The following BOD1L1 variants were observed in gnomAD, a reference collection of about 807,000 sequenced individuals.
The protein encoded by BOD1L1 is biorientation of chromosomes in cell division 1 like 1.
A neutral mutation model predicts 240.7 loss-of-function variants in BOD1L1; 86 were observed. That is an observed-to-expected ratio of 0.36 (90% CI 0.30 to 0.43). BOD1L1 has a LOEUF of 0.43. BOD1L1 is among the 20% of genes least tolerant of loss of function. BOD1L1 has a pLI of 1.00. For synonymous variants in BOD1L1, 1,268 were observed against 1,272.3 expected (o/e 1.00, Z 0.07); for missense variants, 3,554 against 3,643.5 (o/e 0.98, Z 0.63).
Position 13,607,147 on chromosome 4 carries a change from T to C in BOD1L1, c.1785A>G (p.Glu595=). Residue 595 remains glutamate (E), a synonymous_variant, in exon 9 of 26, where the codon GAA becomes GAG. Coordinates refer to ENST00000040738, the MANE Select transcript of BOD1L1 (RefSeq NM_148894.3). The stretch of plus-strand genomic sequence containing the variant: ...TTGTTTTAAGGGTTTCTTTGGAATC[T>C]TCTTCATATTGCTGTTTCTTTTTGG... ...ENSKKKQQYE[E]DSKETLKTSE... 1 of 1,574,810 alleles carries C rather than the reference T, an allele frequency of 6.3e-7. No homozygotes were observed. The highest frequency in any genetic ancestry group is 8.6e-7 in the Non-Finnish European group (1 of 1,160,346).
Position 13,602,217 on chromosome 4 carries a change from T to C in BOD1L1, c.4683A>G (p.Glu1561=). The change falls in exon 10 of 26, where the codon GAA becomes GAG. Residue 1561 remains glutamate, a synonymous_variant. Coordinates refer to ENST00000040738, the MANE Select transcript of BOD1L1 (RefSeq NM_148894.3). ...TGGAATGTGTTCCTATTATGAGGCC[T>C]TCATCTGCCTCAATGCTGGTGCAAG... The part of the protein sequence containing the change: ...ALPCTSIEAD[E]GLIIGTHSRN... The C allele has an allele frequency of 3.7e-6, 6 of 1,613,678 alleles. No homozygotes were observed. The highest frequency in any genetic ancestry group is 3.4e-6 in the Non-Finnish European group (4 of 1,179,728).
At chr4:13,621,863 A>C (rs1717063011) in intron 1 of BOD1L1, among the ~76,000 whole-genome samples, 1 of 112,786 alleles carries the variant, frequency 8.9e-6, no homozygotes, top group Admixed American at 1.4e-4. Flanking sequence ...ACTAAAATTA[A>C]TTCTTTTTTT....
In BOD1L1 at chr4:13,601,771, G is replaced by A. The variant is rs749532900; in HGVS notation, c.5129C>T (p.Ser1710Phe). Residue 1710 changes from serine to phenylalanine, a missense_variant, in exon 10 of 26, where the codon TCC becomes TTC. Ser to Phe is a radical substitution (Grantham distance 155). Transcript: ENST00000040738. ...GSISSEEVDG[S>F]QGNMMRMGPK... Reference sequence around the variant, plus strand: ...ACCCATTCTCATCATATTTCCCTGGGAGCCATCCACCTCTTCACTGCTTAT... The same window carrying A: ...ACCCATTCTCATCATATTTCCCTGGAAGCCATCCACCTCTTCACTGCTTAT... The A allele has an allele frequency of 1.2e-6, 2 of 1,613,718 alleles. No homozygotes were observed. The highest frequency in any genetic ancestry group is 2.7e-5 in the African/African-American group (2 of 74,870).
intron 25 of BOD1L1, chr4:13,572,662 AG>A: frequency 7.8e-7 from 1 of 1,280,344 alleles, no homozygotes; most frequent in Non-Finnish European, 1.0e-6. Flanking sequence ...AAATAGTCTT[AG>A]GGGGTTAAAA....
intron 6 of BOD1L1, among the ~76,000 whole-genome samples, chr4:13,610,691 CA>C (rs569914077): frequency 5.5e-4 from 83 of 152,212 alleles, no homozygotes; most frequent in Middle Eastern, 3.4e-3. Flanking sequence ...TGAAAAATTC[CA>C]AAATTTGAAA....
chr4:13,602,173 A>C lies in BOD1L1; in HGVS notation c.4727T>G (p.Val1576Gly). 1 of 1,613,926 alleles carries C rather than the reference A, an allele frequency of 6.2e-7. No individual in the cohort carries two copies. The highest frequency in any genetic ancestry group is 8.5e-7 in the Non-Finnish European group (1 of 1,179,858). The change falls in exon 10 of 26, where the codon GTT becomes GGT. Residue 1576 changes from valine to glycine, a missense_variant. Physicochemically the swap from Val to Gly is moderately radical, Grantham distance 109. Transcript: ENST00000040738. ...AGTGCATTCACTGGCTTCTGCACCA[A>C]CATGAAGAGGATTATTTCTGGAATG... ...GTHSRNNPLH[V>G]GAEASECTVF...
Position 13,603,786 on chromosome 4 carries a change from A to G in BOD1L1, c.3114T>C (p.Asn1038=). Residue 1038 remains asparagine (N), a synonymous_variant, in exon 10 of 26, where the codon AAT becomes AAC. Coordinates refer to ENST00000040738, the MANE Select transcript of BOD1L1 (RefSeq NM_148894.3). ...SSKDIKKKDE[N]KSDDKDGKEV... Reference sequence around the variant, plus strand: ...CTTTACCATCCTTGTCATCTGATTTATTTTCGTCCTTCTTTTTTATGTCTT... The same window carrying G: ...CTTTACCATCCTTGTCATCTGATTTGTTTTCGTCCTTCTTTTTTATGTCTT... 1 of 1,613,066 alleles carries G rather than the reference A, an allele frequency of 6.2e-7. No homozygotes were observed. Among genetic ancestry groups the G allele is most frequent in the Non-Finnish European group, 8.5e-7 (1 of 1,179,732 alleles).
intron 22 of BOD1L1, among the ~76,000 whole-genome samples, chr4:13,579,411 T>C (rs934875421): frequency 6.6e-6 from 1 of 152,224 alleles, no homozygotes; most frequent in Non-Finnish European, 1.5e-5. Context: ...AACAACTATA[T>C]ATTACCTATT....
Position 13,603,397 on chromosome 4 carries a change from C to G in BOD1L1, c.3503G>C (p.Arg1168Thr), listed in dbSNP as rs902474783. The G allele has an allele frequency of 6.2e-6, 10 of 1,613,772 alleles. No homozygotes were observed. The Admixed American group carries it at 1.3e-4, about 22-fold the overall frequency. The change falls in exon 10 of 26, where the codon AGA becomes ACA. Residue 1168 changes from arginine (R) to threonine (T), a missense_variant. Transcript: ENST00000040738. Reference protein sequence around the residue: ...TSATVQKDELRTCTADSKATA... With the variant: ...TSATVQKDELTTCTADSKATA... ...TGCTTTTGAATCTGCTGTGCAAGTT[C>G]TCAATTCATCCTTTTGAACAGTGGC... is the stretch of plus-strand genomic sequence containing the variant.
chr4:13,577,205 G>A (rs1019873824), intron 24 of BOD1L1, among the ~76,000 whole-genome samples, 198 bp downstream of exon 24: 2 of 152,104 alleles, frequency 1.3e-5, no homozygotes, highest in African/African-American at 4.8e-5. Flanking sequence ...CACAGCCAGC[G>A]TTCATAAAAA....
chr4:13,610,571 C>T lies in BOD1L1; in HGVS notation c.1491+363G>A, dbSNP rs372343722. 3.3e-5 allele frequency among the ~76,000 whole-genome samples: 5 copies of T among 152,228 alleles called. No individual in the cohort carries two copies. The East Asian group carries it at 7.7e-4, about 23-fold the overall frequency. On this transcript the variant is annotated intron_variant, in intron 6 of 25. Transcript: ENST00000040738. ...ATTATGAAAAACATTGTATCGAATA[C>T]TCTTCAGGCTATGTGCATATACATA...
rs1715340710 is a variant in BOD1L1, at chr4:13,602,982, T to C, written c.3918A>G (p.Lys1306=). The change falls in exon 10 of 26, where the codon AAA becomes AAG. Residue 1306 remains lysine, a synonymous_variant. Coordinates refer to ENST00000040738, the MANE Select transcript of BOD1L1 (RefSeq NM_148894.3). ...CTGTGCTACCTTCCAAAACAGTTCT[T>C]TTGTCAAACAGAGGAATTACATCTG... ...YDPDVIPLFD[K]RTVLEGSTAS... is the part of the protein sequence containing the mutation. 1 of 1,613,906 alleles carries C rather than the reference T, an allele frequency of 6.2e-7. No homozygotes were observed. The highest frequency in any genetic ancestry group is 1.3e-5 in the African/African-American group (1 of 74,920).
At chr4:13,627,111 G>T (rs1330681148) in intron 1 of BOD1L1, among the ~76,000 whole-genome samples, 1 of 152,192 alleles carries the variant, frequency 6.6e-6, no homozygotes, top group Admixed American at 6.5e-5. Context: ...CAATGCCTTA[G>T]TCTTGCTCAT....
chr4:13,612,017 C>A (rs1165182035), intron 5 of BOD1L1, among the ~76,000 whole-genome samples: 1 of 151,990 alleles, frequency 6.6e-6, no homozygotes. Flanking sequence ...TTAAGAAGAC[C>A]CAAAAAGGCA....
At position 13,615,422 on chromosome 4, in the gene BOD1L1, T is replaced by C. The variant is rs772012778; in HGVS notation, c.449A>G (p.Gln150Arg). Reference sequence around the variant, plus strand: ...AAACTCATGCACAGCTTTCTCTACCTGAGGTCTGAATGTGTGGTTGATCTT... The same window carrying C: ...AAACTCATGCACAGCTTTCTCTACCCGAGGTCTGAATGTGTGGTTGATCTT... The part of the protein sequence containing the change: ...DPKINHTFRP[Q>R]VEKAVHEFLA... Residue 150 changes from glutamine (Q) to arginine (R), a missense_variant, in exon 3 of 26, where the codon CAG becomes CGG. Coordinates refer to ENST00000040738, the MANE Select transcript of BOD1L1 (RefSeq NM_148894.3). 1.2e-6 allele frequency: 2 copies of C among 1,613,856 alleles called. No individual in the cohort carries two copies. The highest frequency in any genetic ancestry group is 1.7e-6 in the Non-Finnish European group (2 of 1,179,782).
intron 12 of BOD1L1, among the ~76,000 whole-genome samples, chr4:13,594,277 A>G (rs747079348): frequency 1.3e-5 from 2 of 152,220 alleles, no homozygotes; most frequent in African/African-American, 2.4e-5. Flanking sequence ...ATTGTGGAAA[A>G]AAATTGAGGA....
chr4:13,618,194 G>T (rs1007985006), intron 2 of BOD1L1, among the ~76,000 whole-genome samples: 3 of 152,118 alleles, frequency 2.0e-5, no homozygotes, highest in Non-Finnish European at 4.4e-5. Flanking sequence ...CGCTATAAAA[G>T]TAAATGCAAT....
Position 13,601,364 on chromosome 4 carries a change from C to T in BOD1L1, c.5536G>A (p.Ala1846Thr). 1.2e-6 allele frequency: 2 copies of T among 1,614,072 alleles called. No individual in the cohort carries two copies. Among genetic ancestry groups the T allele is most frequent in the African/African-American group, 1.3e-5 (1 of 75,068 alleles). Residue 1846 changes from alanine to threonine, a missense_variant, in exon 10 of 26, where the codon GCT (alanine) becomes ACT (threonine). Physicochemically the swap from Ala to Thr is moderately conservative, Grantham distance 58. Transcript: ENST00000040738. ...ATGCCTTCATCATCACAAGGACCAGCAGCAACTAATGGTACATTAGTGCCT... is the reference window on the plus strand; with the variant it reads ...ATGCCTTCATCATCACAAGGACCAGTAGCAACTAATGGTACATTAGTGCCT... ...KEGTNVPLVA[A>T]GPCDDEGIVT... is the part of the protein sequence containing the mutation.
At chr4:13,572,687 T>A in intron 25 of BOD1L1, 1 of 1,286,824 alleles carries the variant, frequency 7.8e-7, no homozygotes. Context: ...GCTTGAAGTG[T>A]AAGCAGGGAC....
Sources: allele counts gnomAD v4.1 joint callset (sites outside exome capture counted in the v4.1 genomes callset), GRCh38; gene constraint gnomAD v4.1.1; transcripts MANE v1.5; gene names NCBI Gene and HGNC (gene_info 2026-07-23, HGNC 2026-07-21).